The following ZNF385D variants were observed in gnomAD, a reference collection of about 807,000 sequenced individuals.
The protein encoded by ZNF385D is zinc finger protein 385D, also known as zinc finger protein 659.
In ZNF385D, 15 loss-of-function variants were observed where a neutral mutation model predicts 35.8. The ratio of observed to expected loss-of-function variants is 0.42; its 90% confidence interval spans 0.28 to 0.64. The LOEUF (loss-of-function observed/expected upper bound fraction) is 0.64, where lower values mean the gene tolerates loss of function less well. Ranked by LOEUF, ZNF385D falls within the 30% of genes least tolerant of loss-of-function variation. ZNF385D has a pLI of 0.23. For synonymous variants in ZNF385D, 212 were observed against 186.8 expected (o/e 1.13, Z -1.10); for missense variants, 474 against 494.6 (o/e 0.96, Z 0.39).
chr3:22,164,247 T>TTTTTTTTG (rs1348547943), intron 3 of ZNF385D, among the ~76,000 whole-genome samples: 2 of 93,486 alleles, frequency 2.1e-5, no homozygotes, highest in African/African-American at 1.2e-4. Flanking sequence ...TTTTTTTTTT[T>TTTTTTTTG]GAGACGGGGT....
intron 4 of ZNF385D, among the ~76,000 whole-genome samples, chr3:21,504,822 A>G (rs1250495361): frequency 6.6e-6 from 1 of 152,176 alleles, no homozygotes. Context: ...CCTGGGGTCC[A>G]GCACAGAGGT....
At chr3:21,555,705 T>A (rs2062710154) in intron 3 of ZNF385D, among the ~76,000 whole-genome samples, 1 of 152,180 alleles carries the variant, frequency 6.6e-6, no homozygotes, top group Non-Finnish European at 1.5e-5. Flanking sequence ...GTGGAATGAT[T>A]TATAATCCTT....
intron 4 of ZNF385D, among the ~76,000 whole-genome samples, chr3:21,510,454 C>T (rs576934986): frequency 6.6e-6 from 1 of 152,070 alleles, no homozygotes; most frequent in African/African-American, 2.4e-5. Context: ...CTTATTGGGG[C>T]CTTCTCAATT....
chr3:21,814,961 A>T (rs2073084123), intron 3 of ZNF385D, among the ~76,000 whole-genome samples: 1 of 152,232 alleles, frequency 6.6e-6, no homozygotes, highest in South Asian at 2.1e-4. Context: ...AATGTAAAAA[A>T]ACAGAAATTA....
chr3:21,957,824 T>C (rs991440736), intron 3 of ZNF385D, among the ~76,000 whole-genome samples: 4 of 152,176 alleles, frequency 2.6e-5, no homozygotes, highest in Admixed American at 2.0e-4. Context: ...CTCTATTATT[T>C]AGCCCATAGG....
At chr3:21,972,701 C>G (rs1018542544) in intron 3 of ZNF385D, among the ~76,000 whole-genome samples, 3 of 150,926 alleles carry the variant, frequency 2.0e-5, no homozygotes, top group Non-Finnish European at 4.4e-5. Context: ...AAGAAAAAAA[C>G]AAAAAAGACC....
chr3:21,819,752 A>G (rs1395877596), intron 3 of ZNF385D, among the ~76,000 whole-genome samples: 1 of 119,014 alleles, frequency 8.4e-6, no homozygotes, highest in Admixed American at 8.4e-5. Flanking sequence ...ACACACACGT[A>G]CACATAATTA....
At chr3:21,730,157 G>C (rs1476957667) in intron 1 of ZNF385D, among the ~76,000 whole-genome samples, 2 of 152,206 alleles carry the variant, frequency 1.3e-5, no homozygotes, top group Non-Finnish European at 2.9e-5. Context: ...ATAGGCACAA[G>C]AAGTTGGAGT....
At chr3:22,353,885 C>T (rs1322934121) in intron 2 of ZNF385D, among the ~76,000 whole-genome samples, 1 of 152,120 alleles carries the variant, frequency 6.6e-6, no homozygotes, top group Non-Finnish European at 1.5e-5. Flanking sequence ...TGTTCTACTA[C>T]CAGGACTGAA....
intron 3 of ZNF385D, among the ~76,000 whole-genome samples, chr3:22,060,053 C>A (rs949620244): frequency 2.0e-5 from 3 of 152,156 alleles, no homozygotes; most frequent in African/African-American, 7.2e-5. Context: ...GTTCTCAGAC[C>A]TTCAAATTCC....
rs539090928 is a variant in ZNF385D, at chr3:22,293,009, T to C, written c.106+79441A>G. 4.5e-4 allele frequency among the ~76,000 whole-genome samples: 69 copies of C among 152,262 alleles called. 1 individual carries two copies. In the Middle Eastern group the frequency reaches 0.01, roughly 23 times the overall value. The stretch of plus-strand genomic sequence containing the variant: ...GCAACTACATGATTTATTATCTCCA[T>C]TGATTTCAACAGTTACCTCAAGAAG... On this transcript the variant is annotated intron_variant, in intron 2 of 5. Transcript: ENST00000494108.
At chr3:22,119,867 A>G (rs1702997608) in intron 3 of ZNF385D, among the ~76,000 whole-genome samples, 1 of 151,952 alleles carries the variant, frequency 6.6e-6, no homozygotes, top group Non-Finnish European at 1.5e-5. Context: ...TCATTTTTTG[A>G]GACAGGATCT....
At chr3:21,524,445 C>G (rs146079467) in intron 3 of ZNF385D, among the ~76,000 whole-genome samples, 10 of 152,308 alleles carry the variant, frequency 6.6e-5, no homozygotes, top group Admixed American at 1.3e-4. Context: ...CACTGGACAT[C>G]ATCACTTAGC....
At position 21,927,262 on chromosome 3, in the gene ZNF385D, C is replaced by T. The variant is rs566901841; in HGVS notation, c.325+241555G>A. Among the ~76,000 whole-genome samples the T allele has an allele frequency of 1.1e-4, 16 of 149,340 alleles. No homozygotes were observed. In the East Asian group the frequency reaches 2.8e-3, roughly 26 times the overall value. ...TTGTATAGCTTGCAGAACCATGAGC[C>T]AAATAAATCTCTTTTTTTTTAATAT... On this transcript the variant is annotated intron_variant, in intron 3 of 5. Transcript: ENST00000494108.
chr3:22,039,774 C>T (rs1171959139), intron 3 of ZNF385D, among the ~76,000 whole-genome samples: 3 of 152,052 alleles, frequency 2.0e-5, no homozygotes, highest in Non-Finnish European at 4.4e-5. Context: ...TATTAGGGTA[C>T]ATCGTTTTAG....
At chr3:22,144,113 A>C (rs1475048071) in intron 3 of ZNF385D, among the ~76,000 whole-genome samples, 5 of 152,210 alleles carry the variant, frequency 3.3e-5, no homozygotes, top group Admixed American at 6.5e-5. Context: ...TTTGATAAAA[A>C]ATTTGCATGA....
chr3:21,465,612 A>C lies in ZNF385D; in HGVS notation c.440-28409T>G, dbSNP rs1703462519. ...CTTCCAGAATGTATTCGAGTTATGC[A>C]TATTTCCTGGCACTCTTGTCTCACA... is the stretch of plus-strand genomic sequence containing the variant. On this transcript the variant is annotated intron_variant, in intron 4 of 7. Transcript: ENST00000281523. This position sits in a 1 kb window ranked among gnomAD's most constrained non-coding sequence, Gnocchi z 4.2. Among the ~76,000 whole-genome samples, 1 of 152,186 alleles carries C rather than the reference A, an allele frequency of 6.6e-6. No individual in the cohort carries two copies. The highest frequency in any genetic ancestry group is 1.5e-5 in the Non-Finnish European group (1 of 68,040).
chr3:21,989,802 A>G (rs1435636511), intron 3 of ZNF385D, among the ~76,000 whole-genome samples: 4 of 152,214 alleles, frequency 2.6e-5, no homozygotes, highest in African/African-American at 4.8e-5. Flanking sequence ...TATATTCTTG[A>G]TAACTTACTA....
chr3:21,776,447 A>G (rs1020244460), intron 3 of ZNF385D, among the ~76,000 whole-genome samples: 1 of 151,998 alleles, frequency 6.6e-6, no homozygotes, highest in African/African-American at 2.4e-5. Flanking sequence ...ATCCTTTAAA[A>G]AAGAACGACG....
Sources: gnomAD v4.1 joint callset for allele counts (sites outside exome capture counted in the v4.1 genomes callset) on GRCh38, gnomAD v4.1.1 for gene constraint, Gnocchi (gnomAD v3.1) non-coding constraint, MANE v1.5 for transcripts, NCBI Gene and HGNC (gene_info 2026-07-23, HGNC 2026-07-21) for gene names.